RAB29: variants seen among roughly 807,000 people sequenced by gnomAD.
RAB29 encodes the protein ras-related protein Rab-29.
In RAB29, 13 loss-of-function variants were observed where a neutral mutation model predicts 25.5. The ratio of observed to expected loss-of-function variants is 0.51; its 90% CI spans 0.33 to 0.81. The LOEUF (loss-of-function observed/expected upper bound fraction) is 0.81, where lower values mean the gene tolerates loss of function less well. RAB29 is among the 30% of genes least tolerant of loss of function. RAB29 has a pLI of 0.02. For synonymous variants in RAB29, 88 were observed against 95.0 expected, an observed-to-expected ratio of 0.93 and a Z score of 0.43; for missense variants, 201 against 254.9, an observed-to-expected ratio of 0.79 and a Z score of 1.44.
intron 2 of RAB29, 26 bp downstream of exon 2, chr1:205,774,795 TCCTCCCCCTCCC>T: frequency 3.5e-6 from 3 of 860,422 alleles, no homozygotes; most frequent in Non-Finnish European, 5.5e-6. Context: ...CGGGGCCTCC[TCCTCCCCCTCCC>T]CCTCCCCACC....
At chr1:205,775,219 C>G (rs892067002) in intron 1 of RAB29, 54 bp downstream of exon 1, 10 of 431,106 alleles carry the variant, frequency 2.3e-5, no homozygotes, top group African/African-American at 6.2e-5. Flanking sequence ...TTCCCCACCC[C>G]CTCCTGGCCT....
intron 5 of RAB29, 31 bp from the exon 6 acceptor site, chr1:205,770,484 T>A: frequency 1.9e-6 from 3 of 1,583,716 alleles, no homozygotes; most frequent in African/African-American, 2.7e-5. Context: ...CTGAGAAGCT[T>A]ATTTTGGAGG....
chr1:205,774,798 T>TGCCCCC, intron 2 of RAB29, 35 bp downstream of exon 2: 41 of 658,508 alleles, frequency 6.2e-5, no homozygotes, highest in Non-Finnish European at 1.0e-4. Flanking sequence ...GGCCTCCTCC[T>TGCCCCC]CCCCCTCCCC....
intron 2 of RAB29, 50 bp from the exon 3 acceptor site, chr1:205,772,617 TA>T (rs1558069619): frequency 6.6e-7 from 1 of 1,514,250 alleles, no homozygotes; most frequent in Non-Finnish European, 9.2e-7. Context: ...TGTAAAAAAT[TA>T]ATAGGGATAA....
chr1:205,771,726 G>A (rs1655036064), intron 3 of RAB29, 73 bp from the exon 4 acceptor site: 1 of 1,426,662 alleles, frequency 7.0e-7, no homozygotes, highest in African/African-American at 1.4e-5. Flanking sequence ...GAAGAGGGCA[G>A]TAAGCATATG....
Position 205,768,346 on chromosome 1 carries a change from T to C in RAB29, c.*1996A>G, listed in dbSNP as rs542219755. The C allele has an allele frequency of 1.3e-5, 2 of 152,298 alleles. No individual in the cohort carries two copies. Among genetic ancestry groups the C allele is most frequent in the East Asian group, 1.9e-4 (1 of 5,184 alleles). The allele number at this position is 152,298 out of a possible 1,614,324, so 9.4% of individuals were successfully genotyped here. On this transcript the variant is annotated 3_prime_UTR_variant, in exon 6 of 6. Coordinates refer to ENST00000367139, the MANE Select transcript of RAB29 (RefSeq NM_003929.3). ...ATATATAGAAACCCAGGATTTGTAT[T>C]TGTATTTAAATGTAAATACAAAAGG...
At chr1:205,771,311 A>G in intron 4 of RAB29, 161 bp downstream of exon 4, 1 of 456,522 alleles carries the variant, frequency 2.2e-6, no homozygotes, top group Admixed American at 5.8e-5. Context: ...AAAAAAAAAA[A>G]AGAAAGAAAG....
In RAB29 at chr1:205,768,253, T is replaced by C. The variant is rs2102463417; in HGVS notation, c.*2089A>G. The C allele has an allele frequency of 6.6e-6, 1 of 152,360 alleles. No individual in the cohort carries two copies. The highest frequency in any genetic ancestry group is 2.1e-4 in the South Asian group (1 of 4,828). The allele number at this position is 152,360 out of a possible 1,614,324, so 9.4% of individuals were successfully genotyped here. ...TCCCTTTTCTCTCTGATATGTGGCC[T>C]CTGATCTCTTTCTTAGGGCAGTGGT... On this transcript the variant is annotated 3_prime_UTR_variant, in exon 6 of 6. Transcript: ENST00000367139.
rs746552639 is a variant in RAB29, at chr1:205,774,857, T to C, written c.100A>G (p.Lys34Glu). The C allele has an allele frequency of 4.3e-6, 7 of 1,613,402 alleles. No individual in the cohort carries two copies. The South Asian group carries it at 7.7e-5, about 18-fold the overall frequency. Residue 34 changes from lysine to glutamate, a missense_variant, in exon 2 of 6, where the codon AAA (lysine) becomes GAA (glutamate). Physicochemically the swap from Lys to Glu is moderately conservative, Grantham distance 56. Transcript: ENST00000367139. ...VQRYSQDSFS[K>E]HYKSTVGVDF... is the part of the protein sequence containing the mutation. ...CCTCCCACCGTGGACTTGTAGTGTT[T>C]GCTGAAGCTGTCCTGGGAATATCGC... is the stretch of plus-strand genomic sequence containing the variant.
intron 3 of RAB29, 104 bp from the exon 4 acceptor site, chr1:205,771,757 T>C: frequency 1.8e-6 from 2 of 1,138,452 alleles, no homozygotes; most frequent in African/African-American, 3.0e-5. Flanking sequence ...GGCCACTCAC[T>C]TTCCCCCTCT....
chr1:205,771,977 G>A (rs751710857), intron 3 of RAB29, among the ~76,000 whole-genome samples: 7 of 132,174 alleles, frequency 5.3e-5, no homozygotes, highest in Non-Finnish European at 1.1e-4. Flanking sequence ...ACAGTTTCCT[G>A]CACTCCTGTT....
chr1:205,769,909 A>T lies in RAB29; in HGVS notation c.*433T>A. The T allele has an allele frequency of 4.8e-6, 1 of 207,352 alleles. No homozygotes were observed. Among genetic ancestry groups the T allele is most frequent in the East Asian group, 1.3e-4 (1 of 7,762 alleles). 12.8% of individuals were successfully genotyped at this position (207,352 alleles called of 1,614,324 possible). On this transcript the variant is annotated 3_prime_UTR_variant, in exon 6 of 6. Transcript: ENST00000367139. ...TTCCAAGACAGAAAGAATCTGAAAC[A>T]ACGGCCTACAAGAAATTTGGGAAAT...
chr1:205,770,734 TCATAG>T lies in RAB29; in HGVS notation c.494_498del (p.Ala165GlufsTer5). 6.2e-7 allele frequency: 1 copy of T among 1,614,136 alleles called. No homozygotes were observed. Among genetic ancestry groups the T allele is most frequent in the Non-Finnish European group, 8.5e-7 (1 of 1,180,014 alleles). On this transcript the variant is annotated frameshift_variant and splice_region_variant, in exon 5 of 6. Coordinates refer to ENST00000367139, the MANE Select transcript of RAB29 (RefSeq NM_003929.3). LOFTEE classifies it high-confidence loss of function. ...TGCCTATCAGCATGAGCTACTTACCTCATAGCCTCATTAATATTTTTGTTCTCCTT... is the reference window on the plus strand; with the variant it reads ...TGCCTATCAGCATGAGCTACTTACCTCCTCATTAATATTTTTGTTCTCCTT...
intron 2 of RAB29, 31 bp downstream of exon 2, chr1:205,774,802 C>CCAA: frequency 7.0e-7 from 1 of 1,426,322 alleles, no homozygotes; most frequent in Non-Finnish European, 9.7e-7. Context: ...TCCTCCTCCC[C>CCAA]CTCCCCCTCC....
chr1:205,772,338 A>C (rs1402356548), intron 3 of RAB29, among the ~76,000 whole-genome samples, 158 bp downstream of exon 3: 3 of 152,128 alleles, frequency 2.0e-5, no homozygotes, highest in Non-Finnish European at 2.9e-5. Flanking sequence ...AACATCTACA[A>C]AAGCTCTGCA....
chr1:205,770,366 C>G lies in RAB29; in HGVS notation c.588G>C (p.Lys196Asn), dbSNP rs1411054440. Residue 196 changes from lysine to asparagine, a missense_variant, in exon 6 of 6, where the codon AAG becomes AAC. Physicochemically the swap from Lys to Asn is moderately conservative, Grantham distance 94 (BLOSUM62 0). Transcript: ENST00000367139. ...TQGDYINLQTKSSSWSCC is the reference protein window; with the variant it reads ...TQGDYINLQTNSSSWSCC ...ACTAGCAGCAGGACCAGCTGGAGGACTTGGTTTGTAGATTGATGTAGTCCC... is the reference window on the plus strand; with the variant it reads ...ACTAGCAGCAGGACCAGCTGGAGGAGTTGGTTTGTAGATTGATGTAGTCCC... 1 of 1,613,824 alleles carries G rather than the reference C, an allele frequency of 6.2e-7. No individual in the cohort carries two copies. Among genetic ancestry groups the G allele is most frequent in the African/African-American group, 1.3e-5 (1 of 74,920 alleles).
intron 5 of RAB29, 95 bp from the exon 6 acceptor site, chr1:205,770,548 A>G: frequency 7.0e-7 from 1 of 1,418,492 alleles, no homozygotes. Flanking sequence ...TATTTGGTAA[A>G]GCCAGAAGGT....
rs190647664 is a variant in RAB29, at chr1:205,772,809, T to C, written c.125-242A>G. ...TACTCTACTGTCAAGCTCATTTATT[T>C]GCTACTGTTTGTCTCCAAGACTGGG... On this transcript the variant is annotated intron_variant, in intron 2 of 5. Coordinates refer to ENST00000367139, the MANE Select transcript of RAB29 (RefSeq NM_003929.3). Among the ~76,000 whole-genome samples, 437 of 152,186 alleles carry C rather than the reference T, an allele frequency of 2.9e-3. 3 individuals carry two copies. The Middle Eastern group carries it at 0.041, about 14-fold the overall frequency.
chr1:205,774,988 G>T lies in RAB29; in HGVS notation c.-32C>A. ...CGGGGTGTGCGTTTTAGGGAGGCGG[G>T]AAGTGTGGTCGGGGATCGGGGGTCG... On this transcript the variant is annotated 5_prime_UTR_variant, in exon 2 of 6. Transcript: ENST00000367139. The T allele has an allele frequency of 6.2e-7, 1 of 1,612,050 alleles. No individual in the cohort carries two copies. Among genetic ancestry groups the T allele is most frequent in the South Asian group, 1.1e-5 (1 of 91,072 alleles).
Sources: gnomAD v4.1 joint callset for allele counts (sites outside exome capture counted in the v4.1 genomes callset) on GRCh38, gnomAD v4.1.1 for gene constraint, MANE v1.5 for transcripts, NCBI Gene and HGNC (gene_info 2026-07-23, HGNC 2026-07-21) for gene names.